Variants in KDM2B observed in about 807,000 individuals in gnomAD.
The protein encoded by KDM2B is lysine demethylase 2B.
A neutral mutation model predicts 150.0 loss-of-function variants in KDM2B; 26 were observed. The ratio of observed to expected loss-of-function variants is 0.17; its 90% CI spans 0.13 to 0.24. KDM2B has a LOEUF of 0.24. Ranked by LOEUF, KDM2B falls within the 10% of genes least tolerant of loss-of-function variation. The probability of loss-of-function intolerance (pLI) is 1.00; values close to 1 mark genes in which losing one functional copy is unlikely to be tolerated. For missense variants in KDM2B, 1,265 were observed against 1,816.9 expected, an observed-to-expected ratio of 0.70 and a Z score of 5.52; for synonymous variants, 734 against 729.5, an observed-to-expected ratio of 1.01 and a Z score of -0.10.
At chr12:121,472,399 G>C (rs782027495) in intron 12 of KDM2B, among the ~76,000 whole-genome samples, 26 of 152,190 alleles carry the variant, frequency 1.7e-4, no homozygotes, top group Non-Finnish European at 3.4e-4. Flanking sequence ...GTGACAGTAG[G>C]ACAGACCAGG....
intron 8 of KDM2B, among the ~76,000 whole-genome samples, chr12:121,527,141 G>A (rs945066879): frequency 1.3e-4 from 20 of 151,292 alleles, no homozygotes; most frequent in African/African-American, 3.9e-4. Flanking sequence ...TCTGCCTCCC[G>A]GGTTCACACC....
intron 11 of KDM2B, among the ~76,000 whole-genome samples, chr12:121,496,204 G>C (rs943227495): frequency 4.0e-5 from 6 of 151,594 alleles, no homozygotes; most frequent in African/African-American, 1.5e-4. Context: ...CCCACATAGG[G>C]TTTTTTTTGG....
chr12:121,528,971 C>A (rs1395014145), intron 8 of KDM2B, among the ~76,000 whole-genome samples: 1 of 152,168 alleles, frequency 6.6e-6, no homozygotes, highest in Non-Finnish European at 1.5e-5. Flanking sequence ...AAGAGAGAAT[C>A]CTCTCTGAAT....
At chr12:121,470,470 C>G (rs1880656466) in intron 12 of KDM2B, 2 of 152,184 alleles carry the variant, frequency 1.3e-5, no homozygotes, top group South Asian at 4.1e-4. Context: ...TAATACCATC[C>G]AGAGAAAGAC....
At chr12:121,566,332 CAAA>C (rs1555314923) in intron 4 of KDM2B, among the ~76,000 whole-genome samples, 1 of 151,942 alleles carries the variant, frequency 6.6e-6, no homozygotes, top group Non-Finnish European at 1.5e-5. Context: ...ACTCAAAATA[CAAA>C]AATTGGCTGG....
intron 4 of KDM2B, among the ~76,000 whole-genome samples, chr12:121,550,394 G>A (rs994187701): frequency 6.6e-6 from 1 of 151,942 alleles, no homozygotes; most frequent in Non-Finnish European, 1.5e-5. Flanking sequence ...TTTCTTCACA[G>A]CCACCTCAAC....
intron 12 of KDM2B, among the ~76,000 whole-genome samples, chr12:121,473,116 C>T (rs573488512): frequency 8.5e-5 from 13 of 152,252 alleles, no homozygotes; most frequent in African/African-American, 1.7e-4. Flanking sequence ...ACAGGTTGGG[C>T]GCAGTGGCTC....
At position 121,430,285 on chromosome 12, in the gene KDM2B, G is replaced by A; in HGVS notation, c.*3C>T. 9 of 1,613,470 alleles carry A rather than the reference G, an allele frequency of 5.6e-6. No individual in the cohort carries two copies. Among genetic ancestry groups the A allele is most frequent in the African/African-American group, 1.3e-5 (1 of 74,906 alleles). ...GCCCCGTATTTACATACTTATCCTT[G>A]GACTAACTCAGTTTTTGCAGGAGTT... On this transcript the variant is annotated 3_prime_UTR_variant, in exon 23 of 23. Coordinates refer to ENST00000377071, the MANE Select transcript of KDM2B (RefSeq NM_032590.5). The surrounding 1 kb of genome is among the most constrained non-coding windows in gnomAD (Gnocchi z 4.4).
Position 121,467,257 on chromosome 12 carries a change from GGCGCCGCC to G in KDM2B, c.1735-13921_1735-13914del. 2 of 990,946 alleles carry G rather than the reference GGCGCCGCC, an allele frequency of 2.0e-6. No individual in the cohort carries two copies. The highest frequency in any genetic ancestry group is 2.4e-6 in the Non-Finnish European group (2 of 833,434). The allele number at this position is 990,946 out of a possible 1,614,324, so 61.4% of individuals were successfully genotyped here. ...TCGCGCGCGCTGACATGGCTGGAGC[GGCGCCGCC>G]GCCGCCGCCCGCCCGGAGCAGGCTC... On this transcript the variant is annotated intron_variant, in intron 12 of 22. Transcript: ENST00000377071. The surrounding 1 kb of genome is among the most constrained non-coding windows in gnomAD (Gnocchi z 5.1).
chr12:121,435,647 CA>C, intron 22 of KDM2B, among the ~76,000 whole-genome samples: 1 of 152,174 alleles, frequency 6.6e-6, no homozygotes, highest in Middle Eastern at 3.4e-3. Flanking sequence ...GGTGCCCACT[CA>C]AAAGTGGGGG....
the KDM2B span, among the ~76,000 whole-genome samples, chr12:121,411,145 G>A: frequency 3.9e-5 from 6 of 152,130 alleles, no homozygotes; most frequent in Admixed American, 3.9e-4. Context: ...TGCCCAGGCT[G>A]GTCTTGACCT....
At chr12:121,531,392 C>G (rs1350746218) in intron 8 of KDM2B, among the ~76,000 whole-genome samples, 2 of 152,190 alleles carry the variant, frequency 1.3e-5, no homozygotes, top group African/African-American at 4.8e-5. Flanking sequence ...CTACAACCAC[C>G]ACTAGTGCTT....
chr12:121,478,446 G>A (rs1288347090), intron 12 of KDM2B, among the ~76,000 whole-genome samples: 5 of 146,188 alleles, frequency 3.4e-5, no homozygotes, highest in East Asian at 2.0e-4. Context: ...TGCAACCTCC[G>A]CCTCCCAAGT....
At chr12:121,504,331 G>A (rs1318962448) in intron 11 of KDM2B, among the ~76,000 whole-genome samples, 1 of 152,114 alleles carries the variant, frequency 6.6e-6, no homozygotes, top group African/African-American at 2.4e-5. Flanking sequence ...CAAACTGCTG[G>A]CATTACAGGC....
At chr12:121,501,068 T>C (rs372344448) in intron 11 of KDM2B, among the ~76,000 whole-genome samples, 22 of 152,212 alleles carry the variant, frequency 1.4e-4, no homozygotes, top group African/African-American at 4.8e-4. Context: ...ACCATTGAAC[T>C]CCAGCCTGGG....
chr12:121,452,115 A>G lies in KDM2B; in HGVS notation c.1959+1005T>C, dbSNP rs1304163235. The stretch of plus-strand genomic sequence containing the variant: ...CCCGAGAGGAGTCAAGCTCTTAGAA[A>G]CTGAAAGTGGAATGGTGGTTGCCCG... On this transcript the variant is annotated intron_variant, in intron 13 of 22. Coordinates refer to ENST00000377071, the MANE Select transcript of KDM2B (RefSeq NM_032590.5). The surrounding 1 kb of genome is among the most constrained non-coding windows in gnomAD (Gnocchi z 4.4). Among the ~76,000 whole-genome samples, 1 of 152,132 alleles carries G rather than the reference A, an allele frequency of 6.6e-6. No individual in the cohort carries two copies. Among genetic ancestry groups the G allele is most frequent in the East Asian group, 1.9e-4 (1 of 5,196 alleles).
intron 4 of KDM2B, among the ~76,000 whole-genome samples, chr12:121,572,642 A>C (rs1891186741): frequency 6.6e-6 from 1 of 152,056 alleles, no homozygotes; most frequent in Non-Finnish European, 1.5e-5. Context: ...CACCATCAGA[A>C]AAGACATTTC....
intron 6 of KDM2B, among the ~76,000 whole-genome samples, chr12:121,542,146 T>G (rs1888655604): frequency 6.6e-6 from 1 of 152,192 alleles, no homozygotes. Flanking sequence ...TCTTGAACCA[T>G]TCACTATGGG....
At chr12:121,444,570 G>C in intron 14 of KDM2B, 34 bp from the exon 15 acceptor site, 1 of 1,593,578 alleles carries the variant, frequency 6.3e-7, no homozygotes, top group Non-Finnish European at 8.6e-7. Context: ...AAGAGGGACG[G>C]GCGGAGAAGA....
Sources: gnomAD v4.1 joint callset for allele counts (sites outside exome capture counted in the v4.1 genomes callset) on GRCh38, gnomAD v4.1.1 for gene constraint, Gnocchi (gnomAD v3.1) non-coding constraint, MANE v1.5 for transcripts, NCBI Gene and HGNC (gene_info 2026-07-23, HGNC 2026-07-21) for gene names.